RBM25: variants seen among roughly 807,000 people sequenced by gnomAD.
RBM25 encodes RNA-binding protein 25.
In RBM25, 19 loss-of-function variants were observed where a neutral mutation model predicts 120.7. The observed-to-expected ratio is 0.16, with a 90% CI of 0.11 to 0.23. The LOEUF (loss-of-function observed/expected upper bound fraction) is 0.23. Ranked by LOEUF, RBM25 falls within the 10% of genes least tolerant of loss-of-function variation. The probability of loss-of-function intolerance (pLI) is 1.00; values close to 1 mark genes in which losing one functional copy is unlikely to be tolerated. For missense variants in RBM25, 605 were observed against 1,041.5 expected (o/e 0.58, Z 5.77); for synonymous variants, 390 against 326.7 (o/e 1.19, Z -2.09).
At chr14:73,109,904 A>AGAT (rs1896272442) in intron 14 of RBM25, among the ~76,000 whole-genome samples, 1 of 151,180 alleles carries the variant, frequency 6.6e-6, no homozygotes, top group Non-Finnish European at 1.5e-5. Context: ...TATTTTTTTG[A>AGAT]GATGGGGTCT....
rs778595671 is a variant in RBM25, at chr14:73,111,791, A to G, written c.2281A>G (p.Ile761Val). The G allele has an allele frequency of 1.3e-6, 2 of 1,587,554 alleles. No homozygotes were observed. Among genetic ancestry groups the G allele is most frequent in the Non-Finnish European group, 1.7e-6 (2 of 1,170,604 alleles). ...ELFAYPLDWS[I>V]VDSILMERRI... ...CTTCGCTTATCCCCTGGATTGGTCTATTGTGGATTCTGTGAGTAGGAAATT... is the reference window on the plus strand; with the variant it reads ...CTTCGCTTATCCCCTGGATTGGTCTGTTGTGGATTCTGTGAGTAGGAAATT... The change falls in exon 16 of 19, where the codon ATT (isoleucine) becomes GTT (valine). Residue 761 changes from isoleucine to valine, a missense_variant. Physicochemically the swap from Ile to Val is conservative, Grantham distance 29 (BLOSUM62 3). This residue lies in a region of RBM25 where 465 missense variants were observed against 741.6 expected (regional missense o/e 0.63). Transcript: ENST00000261973.
At chr14:73,079,597 C>G (rs1895511250) in intron 4 of RBM25, among the ~76,000 whole-genome samples, 1 of 150,618 alleles carries the variant, frequency 6.6e-6, no homozygotes. Flanking sequence ...GTCCTGCAAT[C>G]TTGCCATCCT....
rs368961634 is a variant in RBM25 at position 73,103,948 on chromosome 14, T to TCACACACACA, written c.1154+508_1154+517dup. On this transcript the variant is annotated intron_variant, in intron 10 of 18. Coordinates refer to ENST00000261973, the MANE Select transcript of RBM25 (RefSeq NM_021239.3). ...CTCTCTCTCTCTCTCTCTCTCTCTC[T>TCACACACACA]CACACACACACACACACACACACAC... Among the ~76,000 whole-genome samples the TCACACACACA allele has an allele frequency of 5.4e-4, 49 of 91,408 alleles. 1 individual carries two copies. Among genetic ancestry groups the TCACACACACA allele is most frequent in the Non-Finnish European group, 8.5e-4 (35 of 41,076 alleles). The allele number at this position is 91,408 out of a possible 152,430, so 60.0% of individuals were successfully genotyped here.
intron 1 of RBM25, among the ~76,000 whole-genome samples, chr14:73,067,266 G>C (rs529355051): frequency 2.6e-5 from 4 of 151,934 alleles, no homozygotes; most frequent in African/African-American, 9.7e-5. Flanking sequence ...ACCTGTATTA[G>C]AGAATTACCT....
At chr14:73,100,184 G>C in intron 9 of RBM25, 1 of 535,508 alleles carries the variant, frequency 1.9e-6, no homozygotes, top group Admixed American at 3.2e-5. Flanking sequence ...TAAGTTGAGT[G>C]GGGGAGATTT....
chr14:73,083,265 G>A (rs1350805303), intron 4 of RBM25, among the ~76,000 whole-genome samples: 4 of 152,156 alleles, frequency 2.6e-5, no homozygotes, highest in Non-Finnish European at 5.9e-5. Flanking sequence ...GGTAAACAAT[G>A]TTCTGCAAAT....
intron 18 of RBM25, among the ~76,000 whole-genome samples, chr14:73,114,691 C>T (rs888993578): frequency 2.0e-5 from 3 of 152,048 alleles, no homozygotes; most frequent in Admixed American, 6.6e-5. Context: ...GTCAAGAGAT[C>T]GAGACCATCC....
chr14:73,110,802 A>T (rs1210255546), intron 14 of RBM25, 29 bp from the exon 15 acceptor site: 1 of 1,580,292 alleles, frequency 6.3e-7, no homozygotes, highest in African/African-American at 1.4e-5. Context: ...GTAGAGTTGT[A>T]GTTAATCAGA....
Position 73,070,818 on chromosome 14 carries a change from G to A in RBM25, c.-15-809G>A, listed in dbSNP as rs1035267917. Among the ~76,000 whole-genome samples, 9 of 151,272 alleles carry A rather than the reference G, an allele frequency of 5.9e-5. No individual in the cohort carries two copies. The South Asian group carries it at 1.0e-3, about 18-fold the overall frequency. Reference sequence around the variant, plus strand: ...AAAAATTAGCTGGGCGTGGTGGCGCGCACATGTAATCCCAGCTACTCAGGA... The same window carrying A: ...AAAAATTAGCTGGGCGTGGTGGCGCACACATGTAATCCCAGCTACTCAGGA... On this transcript the variant is annotated intron_variant, in intron 1 of 18. Coordinates refer to ENST00000261973, the MANE Select transcript of RBM25 (RefSeq NM_021239.3).
intron 9 of RBM25, chr14:73,100,638 C>A: frequency 4.0e-6 from 1 of 248,764 alleles, no homozygotes. Context: ...ACTGAGAGAT[C>A]TTTAACTCAG....
intron 4 of RBM25, among the ~76,000 whole-genome samples, chr14:73,078,278 G>A (rs1895472479): frequency 6.6e-6 from 1 of 152,054 alleles, no homozygotes; most frequent in African/African-American, 2.4e-5. Context: ...ACTCCACCCT[G>A]GGCGACAGAG....
At chr14:73,092,534 A>G (rs1203013789) in intron 6 of RBM25, among the ~76,000 whole-genome samples, 12 of 151,700 alleles carry the variant, frequency 7.9e-5, no homozygotes, top group Non-Finnish European at 2.9e-5. Flanking sequence ...CTAGGGGAGC[A>G]ACATATTTTT....
chr14:73,078,433 G>C (rs1895476670), intron 4 of RBM25, among the ~76,000 whole-genome samples: 2 of 152,198 alleles, frequency 1.3e-5, no homozygotes, highest in African/African-American at 4.8e-5. Context: ...GAAGGCTGCA[G>C]TGAGCTATGA....
intron 10 of RBM25, among the ~76,000 whole-genome samples, chr14:73,103,994 A>ACACACACACT (rs1339176135): frequency 1.6e-3 from 156 of 99,358 alleles, no homozygotes; most frequent in Middle Eastern, 6.2e-3. Flanking sequence ...ACACACACAC[A>ACACACACACT]CTCTCTCTCT....
intron 1 of RBM25, among the ~76,000 whole-genome samples, chr14:73,069,207 A>G (rs1895215949): frequency 6.6e-6 from 1 of 152,178 alleles, no homozygotes; most frequent in Non-Finnish European, 1.5e-5. Flanking sequence ...CCGGCTTGGA[A>G]TAAAACTTTT....
chr14:73,068,447 GTATTATCAGGAAGGAACA>G, intron 1 of RBM25: 2 of 719,562 alleles, frequency 2.8e-6, no homozygotes, highest in Non-Finnish European at 4.9e-6. Flanking sequence ...ACTACCAGCT[GTATTATCAGGAAGGAACA>G]AATCCAAGTT....
At chr14:73,097,892 T>TGAAA (rs1234929657) in intron 7 of RBM25, among the ~76,000 whole-genome samples, 1 of 152,220 alleles carries the variant, frequency 6.6e-6, no homozygotes, top group East Asian at 1.9e-4. Context: ...TTGTCCAGGT[T>TGAAA]GAAAGAAAAG....
intron 4 of RBM25, among the ~76,000 whole-genome samples, chr14:73,081,438 C>T (rs1895561529): frequency 6.6e-6 from 1 of 152,184 alleles, no homozygotes; most frequent in Non-Finnish European, 1.5e-5. Flanking sequence ...TAGAGCTCCT[C>T]CTGTCAGGTC....
chr14:73,095,563 C>A (rs1402699556), intron 6 of RBM25, among the ~76,000 whole-genome samples: 1 of 151,064 alleles, frequency 6.6e-6, no homozygotes, highest in East Asian at 2.0e-4. Flanking sequence ...GCTGAGATCA[C>A]GCCACTGCAT....
Sources: gnomAD v4.1 joint callset for allele counts (sites outside exome capture counted in the v4.1 genomes callset) on GRCh38, gnomAD v4.1.1 for gene constraint, gnomAD v4.1.1 regional missense constraint, MANE v1.5 for transcripts, NCBI Gene and HGNC (gene_info 2026-07-23, HGNC 2026-07-21) for gene names.